GALNT13: variants seen among roughly 807,000 people sequenced by gnomAD.
GALNT13 encodes polypeptide N-acetylgalactosaminyltransferase 13.
A neutral mutation model predicts 64.2 loss-of-function variants in GALNT13; 28 were observed. That is an observed-to-expected ratio of 0.44 (90% confidence interval 0.32 to 0.60). The LOEUF (loss-of-function observed/expected upper bound fraction) is 0.60, where lower values mean the gene tolerates loss of function less well. Among genes scored for constraint, GALNT13 ranks in the 20% least tolerant of loss-of-function variants. GALNT13 has a pLI of 0.05. For missense variants in GALNT13, 577 were observed against 669.8 expected, an observed-to-expected ratio of 0.86 and a Z score of 1.53; for synonymous variants, 214 against 224.6, an observed-to-expected ratio of 0.95 and a Z score of 0.42.
the GALNT13 span, among the ~76,000 whole-genome samples, chr2:153,283,594 G>C: frequency 6.6e-6 from 1 of 152,102 alleles, no homozygotes; most frequent in Admixed American, 6.5e-5. Context: ...GCATGGAGTG[G>C]AGAGGGCCCC....
chr2:153,572,567 G>A, the GALNT13 span, among the ~76,000 whole-genome samples: 2 of 151,826 alleles, frequency 1.3e-5, no homozygotes, highest in South Asian at 2.1e-4. Context: ...CCTCTTTGAT[G>A]TAGGCACTTA....
intron 3 of GALNT13, among the ~76,000 whole-genome samples, chr2:153,972,903 A>T (rs910646429): frequency 9.2e-5 from 14 of 152,186 alleles, no homozygotes; most frequent in Non-Finnish European, 1.9e-4. Flanking sequence ...ATCCTGTGAC[A>T]AAGAATAAAT....
At chr2:154,157,181 G>A (rs1368494971) in intron 4 of GALNT13, among the ~76,000 whole-genome samples, 2 of 151,962 alleles carry the variant, frequency 1.3e-5, no homozygotes, top group African/African-American at 4.8e-5. Context: ...AAAAATAGAT[G>A]CAAAGAAAAC....
the GALNT13 span, among the ~76,000 whole-genome samples, chr2:153,131,967 G>A: frequency 6.6e-6 from 1 of 152,102 alleles, no homozygotes; most frequent in African/African-American, 2.4e-5. Flanking sequence ...GAGTAACCTG[G>A]ACGATGGCCA....
chr2:153,425,212 A>T, the GALNT13 span, among the ~76,000 whole-genome samples: 1 of 151,650 alleles, frequency 6.6e-6, no homozygotes, highest in Non-Finnish European at 1.5e-5. Flanking sequence ...TTAGTTGTAG[A>T]CTTTTTGAAA....
rs2840007 is a variant in GALNT13 at position 154,082,636 on chromosome 2, A to G, written c.143-57701A>G. On this transcript the variant is annotated intron_variant, in intron 3 of 12. Transcript: ENST00000392825. The stretch of plus-strand genomic sequence containing the variant: ...GAGAAAGAGCAGACTTTCTTGAGGA[A>G]GTGGTTTCGAATCAGAACTAGAAAG... 7.0e-3 allele frequency among the ~76,000 whole-genome samples: 1,062 copies of G among 151,850 alleles called. 10 individuals are homozygous for G. The highest frequency in any genetic ancestry group is 0.024 in the African/African-American group (979 of 41,512).
the GALNT13 span, among the ~76,000 whole-genome samples, chr2:153,515,572 G>A: frequency 3.3e-5 from 5 of 152,104 alleles, no homozygotes; most frequent in African/African-American, 7.2e-5. Context: ...AAGGTAGCCC[G>A]TGCCTTCTTA....
At chr2:153,237,144 C>T in the GALNT13 span, among the ~76,000 whole-genome samples, 68 of 152,076 alleles carry the variant, frequency 4.5e-4, no homozygotes, top group Non-Finnish European at 6.8e-4. Flanking sequence ...TGGTTAAACT[C>T]GAACTGATGA....
intron 3 of GALNT13, among the ~76,000 whole-genome samples, chr2:154,111,959 T>C (rs1361321536): frequency 1.3e-5 from 2 of 152,176 alleles, no homozygotes; most frequent in African/African-American, 4.8e-5. Flanking sequence ...GTCAGAGGCA[T>C]TGCTGTGTGG....
chr2:154,155,155 T>C (rs58436644), intron 4 of GALNT13, among the ~76,000 whole-genome samples: 12,344 of 152,100 alleles, frequency 0.081, 1,425 homozygotes, highest in East Asian at 0.61. Flanking sequence ...ATAAAAGATG[T>C]GTACCAGAGA....
intron 3 of GALNT13, among the ~76,000 whole-genome samples, chr2:154,069,730 A>G (rs1700647792): frequency 6.6e-6 from 1 of 152,098 alleles, no homozygotes; most frequent in Admixed American, 6.6e-5. Flanking sequence ...AAGAGGTGGG[A>G]TAAACTAGAG....
At chr2:153,793,281 C>A in the GALNT13 span, among the ~76,000 whole-genome samples, 1 of 152,014 alleles carries the variant, frequency 6.6e-6, no homozygotes, top group Non-Finnish European at 1.5e-5. Flanking sequence ...CCTGAGGTAA[C>A]ATTTCATAGG....
intron 3 of GALNT13, among the ~76,000 whole-genome samples, chr2:154,100,221 A>T (rs1241819426): frequency 2.0e-5 from 3 of 151,956 alleles, no homozygotes; most frequent in African/African-American, 7.2e-5. Flanking sequence ...GAATTTTAGG[A>T]TTGTTTTCCC....
At chr2:154,181,734 T>C (rs1432658156) in intron 4 of GALNT13, among the ~76,000 whole-genome samples, 1 of 152,044 alleles carries the variant, frequency 6.6e-6, no homozygotes, top group African/African-American at 2.4e-5. Context: ...ACATATCTCT[T>C]ACAGGTTGCT....
intron 1 of GALNT13, among the ~76,000 whole-genome samples, chr2:153,887,519 T>A (rs1048993623): frequency 6.6e-6 from 1 of 151,564 alleles, no homozygotes; most frequent in African/African-American, 2.4e-5. Flanking sequence ...TATTGAGAAA[T>A]CTTACTTGAG....
chr2:153,121,534 T>G, the GALNT13 span, among the ~76,000 whole-genome samples: 1 of 152,124 alleles, frequency 6.6e-6, no homozygotes, highest in Non-Finnish European at 1.5e-5. Flanking sequence ...ACATTTTATT[T>G]TATTTATTTA....
chr2:153,643,143 T>C, the GALNT13 span, among the ~76,000 whole-genome samples: 2 of 151,078 alleles, frequency 1.3e-5, no homozygotes, highest in African/African-American at 2.4e-5. Context: ...TGAGAAGATA[T>C]GCAAAATCAA....
At chr2:153,542,336 A>G in the GALNT13 span, among the ~76,000 whole-genome samples, 1 of 104,942 alleles carries the variant, frequency 9.5e-6, no homozygotes, top group Non-Finnish European at 1.7e-5. Flanking sequence ...ACAAACAAAC[A>G]AACAAACAAA....
the GALNT13 span, among the ~76,000 whole-genome samples, chr2:153,100,331 GTGAA>G: frequency 6.6e-6 from 1 of 152,226 alleles, no homozygotes; most frequent in Admixed American, 6.5e-5. Flanking sequence ...AGAAGCTGCA[GTGAA>G]TGGTGAGGAA....
Sources: allele counts gnomAD v4.1 joint callset (sites outside exome capture counted in the v4.1 genomes callset), GRCh38; gene constraint gnomAD v4.1.1; transcripts MANE v1.5; gene names NCBI Gene and HGNC (gene_info 2026-07-23, HGNC 2026-07-21).